Variants in PLCH1 observed in about 807,000 individuals in gnomAD.
PLCH1 encodes phospholipase C eta 1, also known as 1-phosphatidylinositol 4,5-bisphosphate phosphodiesterase eta-1.
A neutral mutation model predicts 126.7 loss-of-function variants in PLCH1; 60 were observed. That is an observed-to-expected ratio of 0.47 (90% CI 0.38 to 0.59). The LOEUF (loss-of-function observed/expected upper bound fraction) is 0.59, where lower values mean the gene tolerates loss of function less well. Ranked by LOEUF, PLCH1 falls within the 20% of genes least tolerant of loss-of-function variation. The pLI is 0.00. For missense variants in PLCH1, 1,723 were observed against 2,040.0 expected (o/e 0.84, Z 2.99); for synonymous variants, 719 against 734.9 (o/e 0.98, Z 0.35).
At chr3:155,703,574 C>T (rs1459112536) in intron 2 of PLCH1, among the ~76,000 whole-genome samples, 1 of 152,212 alleles carries the variant, frequency 6.6e-6, no homozygotes, top group Non-Finnish European at 1.5e-5. Flanking sequence ...TTCACAGCTG[C>T]AGTCCTCCAC....
At chr3:155,586,985 C>T (rs1452354660) in intron 4 of PLCH1, among the ~76,000 whole-genome samples, 2 of 152,198 alleles carry the variant, frequency 1.3e-5, no homozygotes, top group African/African-American at 2.4e-5. Flanking sequence ...CAATAGCAAA[C>T]TCCATAAACA....
chr3:155,459,308 A>T lies in PLCH1; in HGVS notation c.2938+26048T>A, dbSNP rs539088584. On this transcript the variant is annotated intron_variant, in intron 21 of 21. Coordinates refer to the PLCH1 transcript ENST00000494598. ...GGTGGTGGGACCAGATCATAAATGT[A>T]TCAAACAAGAACCAGAGAAACACCT... Among the ~76,000 whole-genome samples the T allele has an allele frequency of 1.1e-3, 160 of 152,324 alleles. 2 individuals carry two copies. Among genetic ancestry groups the T allele is most frequent in the African/African-American group, 3.5e-3 (147 of 41,578 alleles).
intron 10 of PLCH1, among the ~76,000 whole-genome samples, chr3:155,526,267 C>T (rs2108304964): frequency 6.6e-6 from 1 of 152,238 alleles, no homozygotes; most frequent in Middle Eastern, 3.4e-3. Context: ...ATCTAATGAA[C>T]TGAGTACAGC....
At chr3:155,491,312 G>A (rs1005571247) in intron 18 of PLCH1, among the ~76,000 whole-genome samples, 10 of 152,070 alleles carry the variant, frequency 6.6e-5, no homozygotes, top group Non-Finnish European at 1.2e-4. Context: ...AGCTCAGGTC[G>A]GAGTGCAGTG....
At chr3:155,669,720 A>G (rs1231004441) in intron 2 of PLCH1, among the ~76,000 whole-genome samples, 1 of 152,150 alleles carries the variant, frequency 6.6e-6, no homozygotes, top group Non-Finnish European at 1.5e-5. Context: ...TAAGATTAAA[A>G]CCTCAAAATC....
chr3:155,458,924 C>G (rs1374947029), intron 21 of PLCH1, among the ~76,000 whole-genome samples: 2 of 152,144 alleles, frequency 1.3e-5, no homozygotes, highest in Admixed American at 6.5e-5. Context: ...CTCTTGCTTC[C>G]CTAGGGTTGT....
chr3:155,738,619 T>TA (rs1165659460), intron 1 of PLCH1, among the ~76,000 whole-genome samples: 1 of 151,354 alleles, frequency 6.6e-6, no homozygotes, highest in East Asian at 1.9e-4. Context: ...CTGTCTCTAC[T>TA]AAAAATACAA....
At chr3:155,675,939 T>C in intron 2 of PLCH1, 2 of 866,644 alleles carry the variant, frequency 2.3e-6, no homozygotes, top group Non-Finnish European at 3.6e-6. Flanking sequence ...AAATAAATGT[T>C]TACCATCTTT....
intron 10 of PLCH1, among the ~76,000 whole-genome samples, chr3:155,537,202 C>CAAAAAACAAAAAAAAAAAAAAAAAAAAA (rs1723512371): frequency 9.6e-5 from 1 of 10,468 alleles, no homozygotes; most frequent in East Asian, 1.2e-3. Context: ...AAAAAAAAAC[C>CAAAAAACAAAAAAAAAAAAAAAAAAAAA]AAAAAAAAAA....
intron 2 of PLCH1, among the ~76,000 whole-genome samples, chr3:155,615,740 A>G (rs753713633): frequency 1.1e-4 from 17 of 151,932 alleles, no homozygotes; most frequent in Non-Finnish European, 2.4e-4. Context: ...CATAAGAATG[A>G]TATAATGGAC....
Position 155,741,684 on chromosome 3 carries a change from C to CTTTTATTTTTTTTTTATTTTT in PLCH1, c.-41+3155_-41+3156insAAAAATAAAAAAAAAATAAAA. 8.7e-5 allele frequency among the ~76,000 whole-genome samples: 9 copies of CTTTTATTTTTTTTTTATTTTT among 102,868 alleles called. 1 individual carries two copies. The highest frequency in any genetic ancestry group is 1.4e-4 in the Non-Finnish European group (8 of 57,242). The allele number at this position is 102,868 out of a possible 152,430, so 67.5% of individuals were successfully genotyped here. ...TCCTTTTATCATAATTTTATATCCT[C>CTTTTATTTTTTTTTTATTTTT]TTTTTTTTTTTTTTTTTTTTGTTCA... On this transcript the variant is annotated intron_variant, in intron 1 of 22. Transcript: ENST00000460012.
In PLCH1 at chr3:155,537,201, C is replaced by CAAAAAAAA. The variant is rs1560128167; in HGVS notation, c.1362+12585_1362+12586insTTTTTTTT. On this transcript the variant is annotated intron_variant, in intron 10 of 22. Coordinates refer to ENST00000460012, the MANE Select transcript of PLCH1 (RefSeq NM_014996.4). ...GCTAGCACTACAAAAAAAAAAAAAACCAAAAAAAAAAAAAAAAAAAAAAAA... is the reference window on the plus strand; with the variant it reads ...GCTAGCACTACAAAAAAAAAAAAAACAAAAAAAACAAAAAAAAAAAAAAAAAAAAAAAA... Among the ~76,000 whole-genome samples, 11 of 132,110 alleles carry CAAAAAAAA rather than the reference C, an allele frequency of 8.3e-5. 1 individual carries two copies. Among genetic ancestry groups the CAAAAAAAA allele is most frequent in the African/African-American group, 3.0e-4 (10 of 33,564 alleles). The allele number at this position is 132,110 out of a possible 152,430, so 86.7% of individuals were successfully genotyped here. A position where few individuals can be genotyped will look rare whatever the true frequency, so the allele number is the denominator to read the frequency against.
chr3:155,459,279 G>A (rs959738125), intron 21 of PLCH1, among the ~76,000 whole-genome samples: 1 of 152,178 alleles, frequency 6.6e-6, no homozygotes, highest in African/African-American at 2.4e-5. Context: ...TTTGATCTAT[G>A]GCAGGTGGTG....
At chr3:155,460,839 T>C (rs1375116699) in intron 21 of PLCH1, among the ~76,000 whole-genome samples, 2 of 141,886 alleles carry the variant, frequency 1.4e-5, no homozygotes, top group East Asian at 2.1e-4. Flanking sequence ...GATAGATAGA[T>C]AGATAGTGGT....
At chr3:155,549,729 G>A (rs967684345) in intron 10 of PLCH1, 58 bp downstream of exon 10, 32 of 1,194,000 alleles carry the variant, frequency 2.7e-5, no homozygotes, top group Admixed American at 9.9e-5. Context: ...TATTCTTTAA[G>A]GGAGGGCAGG....
chr3:155,568,474 T>C, intron 6 of PLCH1, 150 bp from the exon 7 acceptor site: 1 of 445,052 alleles, frequency 2.2e-6, no homozygotes. Flanking sequence ...ACAGCTATTT[T>C]ATCTTTGGAG....
downstream of PLCH1, among the ~76,000 whole-genome samples, chr3:155,478,361 ATAACT>A (rs1351971763): frequency 1.3e-5 from 2 of 152,168 alleles, no homozygotes; most frequent in Non-Finnish European, 2.9e-5. Context: ...ATAGTCAATA[ATAACT>A]TAACTGTATA....
At chr3:155,600,918 A>G (rs1733639222) in intron 2 of PLCH1, among the ~76,000 whole-genome samples, 1 of 152,214 alleles carries the variant, frequency 6.6e-6, no homozygotes, top group Admixed American at 6.5e-5. Context: ...ACATAGCTAG[A>G]GTTTTAAAAC....
At chr3:155,722,352 G>A (rs1217512178) in intron 1 of PLCH1, among the ~76,000 whole-genome samples, 1 of 151,912 alleles carries the variant, frequency 6.6e-6, no homozygotes. Flanking sequence ...AGTAGAGACG[G>A]GATTTCTCCA....
Sources: gnomAD v4.1 joint callset for allele counts (sites outside exome capture counted in the v4.1 genomes callset) on GRCh38, gnomAD v4.1.1 for gene constraint, MANE v1.5 for transcripts, NCBI Gene and HGNC (gene_info 2026-07-23, HGNC 2026-07-21) for gene names.